DSG3: variants seen among roughly 807,000 people sequenced by gnomAD.
DSG3 encodes desmoglein 3.
Under a neutral mutation model 85.9 loss-of-function variants are expected in DSG3, and 63 were observed. The observed-to-expected ratio is 0.73, with a 90% CI of 0.60 to 0.90. The LOEUF (loss-of-function observed/expected upper bound fraction) is 0.90. Among genes scored for constraint, DSG3 ranks in the 40% least tolerant of loss-of-function variants. The pLI is 0.00. For missense variants in DSG3, 1,220 were observed against 1,219.9 expected, an observed-to-expected ratio of 1.00 and a Z score of 0.00; for synonymous variants, 447 against 441.9, an observed-to-expected ratio of 1.01 and a Z score of -0.14.
intron 10 of DSG3, 123 bp from the exon 11 acceptor site, chr18:31,466,407 A>T: frequency 1.3e-6 from 1 of 799,668 alleles, no homozygotes; most frequent in Non-Finnish European, 2.0e-6. Context: ...TTCTGAGGAT[A>T]ATATAGTATT....
In DSG3 at chr18:31,464,179, C is replaced by T; in HGVS notation, c.1068C>T (p.His356=). ...CTGTCAAAAACAAAGCTGAATTTCA[C>T]CAATCAGTTATCTCTCGATACCGAG... The part of the protein sequence containing the change: ...SIAVKNKAEF[H]QSVISRYRVQ... The change falls in exon 9 of 16, where the codon CAC becomes CAT. Residue 356 remains histidine (H), a synonymous_variant. Transcript: ENST00000257189. The T allele has an allele frequency of 6.2e-7, 1 of 1,614,064 alleles. No homozygotes were observed.
chr18:31,470,641 A>G (rs910556477), intron 12 of DSG3, among the ~76,000 whole-genome samples: 1 of 152,178 alleles, frequency 6.6e-6, no homozygotes, highest in African/African-American at 2.4e-5. Context: ...ACTATAGGGG[A>G]AAAATACCAT....
rs762923123 is a variant in DSG3 at position 31,475,663 on chromosome 18, G to A, written c.2403G>A (p.Ala801=). 9.9e-6 allele frequency: 16 copies of A among 1,613,810 alleles called. No individual in the cohort carries two copies. The highest frequency in any genetic ancestry group is 1.6e-4 in the Middle Eastern group (1 of 6,084). The part of the protein sequence containing the change: ...SYFSQKAFAC[A]EEDDGQEAND... ...TGTCTTAGAAAGCATTTGCCTGTGCGGAGGAAGACGATGGCCAGGAAGCAA... is the reference window on the plus strand; with the variant it reads ...TGTCTTAGAAAGCATTTGCCTGTGCAGAGGAAGACGATGGCCAGGAAGCAA... The change falls in exon 16 of 16, where the codon GCG becomes GCA. Residue 801 remains alanine (A), a synonymous_variant. Coordinates refer to ENST00000257189, the MANE Select transcript of DSG3 (RefSeq NM_001944.3).
In DSG3 at chr18:31,465,341, G is replaced by A. The variant is rs1312973704; in HGVS notation, c.1295G>A (p.Gly432Asp). 2.0e-6 allele frequency: 3 copies of A among 1,501,196 alleles called. No individual in the cohort carries two copies. Among genetic ancestry groups the A allele is most frequent in the African/African-American group, 2.8e-5 (2 of 70,922 alleles). 93.0% of individuals were successfully genotyped at this position (1,501,196 alleles called of 1,614,324 possible). Residue 432 changes from glycine (G) to aspartate (D), a missense_variant, in exon 10 of 16, where the codon GGT (glycine) becomes GAT (aspartate). Transcript: ENST00000257189. ...AGATATGTCATGGGACGTAACGATG[G>A]TGGATACCTAATGATTGATTCAAAA... is the stretch of plus-strand genomic sequence containing the variant. ...NVKYVMGRND[G>D]GYLMIDSKTA...
chr18:31,454,712 A>T (rs16961951), intron 1 of DSG3, among the ~76,000 whole-genome samples: 1 of 151,022 alleles, frequency 6.6e-6, no homozygotes, highest in Non-Finnish European at 1.5e-5. Context: ...TTTGGTTAGA[A>T]TTTAGCAGTA....
Position 31,477,117 on chromosome 18 carries a change from T to C in DSG3, c.*857T>C, listed in dbSNP as rs371610760. On this transcript the variant is annotated 3_prime_UTR_variant, in exon 16 of 16. Transcript: ENST00000257189. The stretch of plus-strand genomic sequence containing the variant: ...TTTACTCAAGCTAAGGGGTATAAGC[T>C]TATGTGTTGAATTTGCTACATCTAT... The C allele has an allele frequency of 6.6e-6, 1 of 152,220 alleles. No individual in the cohort carries two copies. Among genetic ancestry groups the C allele is most frequent in the East Asian group, 1.9e-4 (1 of 5,202 alleles). The allele number at this position is 152,220 out of a possible 1,614,324, so 9.4% of individuals were successfully genotyped here. A position where few individuals can be genotyped will look rare whatever the true frequency, so the allele number is the denominator to read the frequency against.
At chr18:31,470,374 G>A (rs1321117366) in intron 12 of DSG3, among the ~76,000 whole-genome samples, 1 of 151,986 alleles carries the variant, frequency 6.6e-6, no homozygotes, top group African/African-American at 2.4e-5. Context: ...TTTTTAAAAA[G>A]AAATAAATTG....
rs774389640 is a variant in DSG3, at chr18:31,474,368, G to A, written c.2349G>A (p.Ala783=). 29 of 1,610,092 alleles carry A rather than the reference G, an allele frequency of 1.8e-5. No homozygotes were observed. The highest frequency in any genetic ancestry group is 1.6e-4 in the East Asian group (7 of 44,798). Residue 783 remains alanine (A), a synonymous_variant, in exon 15 of 16, where the codon GCG becomes GCA. Coordinates refer to ENST00000257189, the MANE Select transcript of DSG3 (RefSeq NM_001944.3). Reference sequence around the variant, plus strand: ...CCAATAAGGACTACGCTGATGGGGCGATAAGCATGAATTTTCTGGACTCCT... The same window carrying A: ...CCAATAAGGACTACGCTGATGGGGCAATAAGCATGAATTTTCTGGACTCCT... ...GGTNKDYADG[A]ISMNFLDSYF...
Position 31,466,864 on chromosome 18 carries a change from TC to T in DSG3, c.1636+111del. On this transcript the variant is annotated intron_variant, in intron 11 of 15. Coordinates refer to ENST00000257189, the MANE Select transcript of DSG3 (RefSeq NM_001944.3). ...TCCTTCCAAAAGTAACTGGAAAAAT[TC>T]TTTGCAATGAAGATGTGGCTGTAGC... The T allele has an allele frequency of 1.6e-5, 15 of 916,220 alleles. No individual in the cohort carries two copies. The South Asian group carries it at 2.4e-4, about 15-fold the overall frequency. 56.8% of individuals were successfully genotyped at this position (916,220 alleles called of 1,614,324 possible). A position where few individuals can be genotyped will look rare whatever the true frequency, so the allele number is the denominator to read the frequency against.
chr18:31,448,761 G>A (rs1407437849), intron 1 of DSG3, among the ~76,000 whole-genome samples: 1 of 151,732 alleles, frequency 6.6e-6, no homozygotes, highest in African/African-American at 2.4e-5. Flanking sequence ...ATGCTAATTT[G>A]TATGGTTTCC....
intron 12 of DSG3, 85 bp from the exon 13 acceptor site, chr18:31,472,199 C>A (rs1402044567): frequency 4.1e-5 from 65 of 1,584,080 alleles, no homozygotes; most frequent in Non-Finnish European, 5.4e-5. Context: ...ACTGTATTTT[C>A]TTTGTAACAT....
intron 12 of DSG3, among the ~76,000 whole-genome samples, chr18:31,470,749 A>G (rs1280090017): frequency 1.3e-5 from 2 of 152,258 alleles, no homozygotes; most frequent in Admixed American, 6.5e-5. Context: ...TGATTAGGAT[A>G]TAATCAGTAT....
Position 31,474,134 on chromosome 18 carries a change from T to C in DSG3, c.2115T>C (p.Asn705=). 1 of 1,612,520 alleles carries C rather than the reference T, an allele frequency of 6.2e-7. No homozygotes were observed. The highest frequency in any genetic ancestry group is 8.5e-7 in the Non-Finnish European group (1 of 1,178,622). ...CCTTGTTTTTAGAAGTTTGTACAAA[T>C]ACGTATGCCAGAGGCACAGCGGTGG... is the stretch of plus-strand genomic sequence containing the variant. The part of the protein sequence containing the change: ...DFMESSEVCT[N]TYARGTAVEG... The change falls in exon 15 of 16, where the codon AAT becomes AAC. Residue 705 remains asparagine, a synonymous_variant. Coordinates refer to ENST00000257189, the MANE Select transcript of DSG3 (RefSeq NM_001944.3).
At position 31,476,465 on chromosome 18, in the gene DSG3, A is replaced by G. The variant is rs1245513221; in HGVS notation, c.*205A>G. 1.7e-5 allele frequency: 8 copies of G among 476,654 alleles called. No homozygotes were observed. The highest frequency in any genetic ancestry group is 2.8e-5 in the Non-Finnish European group (8 of 286,568). The allele number at this position is 476,654 out of a possible 1,614,324, so 29.5% of individuals were successfully genotyped here. A position where few individuals can be genotyped will look rare whatever the true frequency, so the allele number is the denominator to read the frequency against. ...CACTCCTAATTCTCAAGTACTATTC[A>G]AATTGTAGTAAATCTTAAAGTTTTT... On this transcript the variant is annotated 3_prime_UTR_variant, in exon 16 of 16. Coordinates refer to ENST00000257189, the MANE Select transcript of DSG3 (RefSeq NM_001944.3).
chr18:31,451,192 C>A (rs72922892), intron 1 of DSG3, among the ~76,000 whole-genome samples: 1,990 of 151,954 alleles, frequency 0.013, 27 homozygotes, highest in Non-Finnish European at 0.017. Flanking sequence ...GAGATTTAAT[C>A]TTTTGAAAAA....
intron 1 of DSG3, among the ~76,000 whole-genome samples, 194 bp downstream of exon 1, chr18:31,448,119 A>T (rs1568083717): frequency 6.6e-6 from 1 of 152,244 alleles, no homozygotes; most frequent in Non-Finnish European, 1.5e-5. Flanking sequence ...TACATAGAAA[A>T]ATAAACCAGA....
chr18:31,475,164 T>C (rs2072878668), intron 15 of DSG3, among the ~76,000 whole-genome samples: 1 of 152,184 alleles, frequency 6.6e-6, no homozygotes, highest in South Asian at 2.1e-4. Flanking sequence ...AGTAGGATGC[T>C]TGCCTCTCAT....
chr18:31,452,433 C>T (rs554170151), intron 1 of DSG3, among the ~76,000 whole-genome samples: 2 of 145,464 alleles, frequency 1.4e-5, no homozygotes, highest in South Asian at 2.2e-4. Context: ...GAAGGAGAAT[C>T]GCTTGAACCC....
At chr18:31,474,038 C>T in intron 14 of DSG3, 83 bp from the exon 15 acceptor site, 1 of 1,383,458 alleles carries the variant, frequency 7.2e-7, no homozygotes, top group Non-Finnish European at 9.9e-7. Flanking sequence ...ATGGTGACTG[C>T]TTATAGACAC....
Sources: gnomAD v4.1 joint callset for allele counts (sites outside exome capture counted in the v4.1 genomes callset) on GRCh38, gnomAD v4.1.1 for gene constraint, MANE v1.5 for transcripts, NCBI Gene and HGNC (gene_info 2026-07-23, HGNC 2026-07-21) for gene names.